KANK1: variants seen among roughly 807,000 people sequenced by gnomAD.
The protein encoded by KANK1 is KN motif and ankyrin repeat domain-containing protein 1.
A neutral mutation model predicts 106.2 loss-of-function variants in KANK1; 109 were observed. That is an observed-to-expected ratio of 1.03 (90% confidence interval 0.88 to 1.20). The LOEUF is 1.20. KANK1 is among the 50% of genes most tolerant of loss of function. KANK1 has a pLI of 0.00. For synonymous variants in KANK1, 873 were observed against 652.2 expected (o/e 1.34, Z -5.16); for missense variants, 2,399 against 1,710.7 (o/e 1.40, Z -7.10).
chr9:732,102 T>G, intron 5 of KANK1: 1 of 281,368 alleles, frequency 3.6e-6, no homozygotes, highest in Non-Finnish European at 6.8e-6. Context: ...AAAGTATGTT[T>G]TCTCATGATT....
Position 713,311 on chromosome 9 carries a change from G to A in KANK1, c.2545G>A (p.Ala849Thr), listed in dbSNP as rs754260399. ...GCTGGCTGAGAACTACAGTGAACTG[G>A]CAGAAGCTTTCGGGGAACCTCACTC... ...TLLAENYSEL[A>T]EAFGEPHSQM... The change falls in exon 3 of 12, where the codon GCA becomes ACA. Residue 849 changes from alanine (A) to threonine (T), a missense_variant. By Grantham distance (58) the Ala-to-Thr change is moderately conservative (BLOSUM62 0). Transcript: ENST00000382297. The A allele has an allele frequency of 1.3e-5, 21 of 1,614,074 alleles. No individual in the cohort carries two copies. Among genetic ancestry groups the A allele is most frequent in the Non-Finnish European group, 1.8e-5 (21 of 1,180,040 alleles).
At chr9:653,315 A>G (rs1283441169) in intron 1 of KANK1, among the ~76,000 whole-genome samples, 1 of 152,038 alleles carries the variant, frequency 6.6e-6, no homozygotes, top group Non-Finnish European at 1.5e-5. Flanking sequence ...TGGTCTCTCT[A>G]GTGCTACTAC....
intron 1 of KANK1, among the ~76,000 whole-genome samples, chr9:663,529 G>T (rs190641852): frequency 6.6e-6 from 1 of 152,324 alleles, no homozygotes; most frequent in East Asian, 1.9e-4. Flanking sequence ...CTGAAAAAGA[G>T]AAAGTTTAAT....
At chr9:744,737 G>T in intron 11 of KANK1, 148 bp downstream of exon 11, 2 of 1,532,290 alleles carry the variant, frequency 1.3e-6, no homozygotes, top group Admixed American at 4.1e-5. Context: ...CATCCTTTCC[G>T]CCTCCACCCC....
At chr9:667,730 A>G (rs1844958031) in intron 1 of KANK1, among the ~76,000 whole-genome samples, 1 of 104,360 alleles carries the variant, frequency 9.6e-6, no homozygotes, top group African/African-American at 3.6e-5. Context: ...TTTAATTTCC[A>G]AAGGTTTTTT....
chr9:671,088 T>G (rs760895367), intron 1 of KANK1, among the ~76,000 whole-genome samples: 20 of 151,780 alleles, frequency 1.3e-4, no homozygotes, highest in Non-Finnish European at 2.1e-4. Flanking sequence ...TGGGGAGAAG[T>G]GAAGCCAGCT....
At chr9:707,481 C>A (rs1323378987) in intron 2 of KANK1, among the ~76,000 whole-genome samples, 2 of 151,360 alleles carry the variant, frequency 1.3e-5, no homozygotes, top group African/African-American at 2.4e-5. Flanking sequence ...TTCAGACAGT[C>A]CTGGAGACAG....
At chr9:741,033 C>T (rs892970910) in intron 9 of KANK1, 99 bp downstream of exon 9, 17 of 1,346,296 alleles carry the variant, frequency 1.3e-5, no homozygotes, top group African/African-American at 1.0e-4. Context: ...GCCACGCTTC[C>T]ACCACAGTGC....
intron 3 of KANK1, among the ~76,000 whole-genome samples, chr9:483,439 C>G (rs1287644015): frequency 6.6e-6 from 1 of 152,202 alleles, no homozygotes; most frequent in Non-Finnish European, 1.5e-5. Flanking sequence ...GTGTAGAGAA[C>G]ATAGGCAGTG....
intron 1 of KANK1, among the ~76,000 whole-genome samples, chr9:612,500 A>G (rs1482768534): frequency 6.6e-6 from 1 of 152,164 alleles, no homozygotes; most frequent in African/African-American, 2.4e-5. Context: ...CAGTGTCATC[A>G]TCTTTATGCC....
intron 3 of KANK1, among the ~76,000 whole-genome samples, chr9:494,095 C>G (rs1261051201): frequency 6.6e-6 from 1 of 151,820 alleles, no homozygotes; most frequent in East Asian, 1.9e-4. Flanking sequence ...GTTAGCCAGG[C>G]TGGTCTGGAA....
rs930318977 is a variant in KANK1, at chr9:712,841, T to A, written c.2075T>A (p.Ile692Lys). 7 of 1,613,092 alleles carry A rather than the reference T, an allele frequency of 4.3e-6. No homozygotes were observed. Among genetic ancestry groups the A allele is most frequent in the African/African-American group, 1.3e-5 (1 of 74,624 alleles). ...ACCAACACCGAGACGGCCACCCTCATAGAGTCCTGCACCAACACTTGTCTA... is the reference window on the plus strand; with the variant it reads ...ACCAACACCGAGACGGCCACCCTCAAAGAGTCCTGCACCAACACTTGTCTA... The part of the protein sequence containing the change: ...QFTNTETATL[I>K]ESCTNTCLST... Residue 692 changes from isoleucine to lysine, a missense_variant, in exon 3 of 12, where the codon ATA becomes AAA. By Grantham distance (102) the Ile-to-Lys change is moderately radical (BLOSUM62 -3). Transcript: ENST00000382297.
chr9:536,539 C>T (rs1333937549), intron 1 of KANK1, among the ~76,000 whole-genome samples: 1 of 152,182 alleles, frequency 6.6e-6, no homozygotes, highest in African/African-American at 2.4e-5. Context: ...GTTTCTTCAT[C>T]TTCAAAGCCA....
At chr9:539,150 G>C (rs1391526602) in intron 1 of KANK1, among the ~76,000 whole-genome samples, 1 of 152,062 alleles carries the variant, frequency 6.6e-6, no homozygotes, top group Non-Finnish European at 1.5e-5. Context: ...CTAAGTGCTG[G>C]GATTATAGGC....
intron 7 of KANK1, among the ~76,000 whole-genome samples, chr9:736,316 G>C (rs960116050): frequency 6.6e-6 from 1 of 152,008 alleles, no homozygotes. Flanking sequence ...GTATTGTTTT[G>C]TATTACATAT....
At chr9:593,869 C>G (rs578226261) in intron 1 of KANK1, among the ~76,000 whole-genome samples, 1 of 152,004 alleles carries the variant, frequency 6.6e-6, no homozygotes, top group Non-Finnish European at 1.5e-5. Flanking sequence ...AGGTGGGGTG[C>G]TATCAGTTTA....
At chr9:704,165 T>A (rs1381277225) in intron 2 of KANK1, among the ~76,000 whole-genome samples, 4 of 152,222 alleles carry the variant, frequency 2.6e-5, no homozygotes, top group Non-Finnish European at 5.9e-5. Context: ...GTAGTACCTG[T>A]TAGAATTCAG....
chr9:480,936 G>C (rs1409525315), intron 3 of KANK1, among the ~76,000 whole-genome samples: 1 of 152,170 alleles, frequency 6.6e-6, no homozygotes, highest in African/African-American at 2.4e-5. Context: ...ATGCTTCTTG[G>C]CTTACCATGG....
At chr9:731,689 C>G (rs150566969) in intron 5 of KANK1, 1 of 154,376 alleles carries the variant, frequency 6.5e-6, no homozygotes, top group Non-Finnish European at 1.4e-5. Flanking sequence ...TCCATGTTTA[C>G]GACCCAAATT....
Sources: gnomAD v4.1 joint callset for allele counts (sites outside exome capture counted in the v4.1 genomes callset) on GRCh38, gnomAD v4.1.1 for gene constraint, MANE v1.5 for transcripts, NCBI Gene and HGNC (gene_info 2026-07-23, HGNC 2026-07-21) for gene names.